PPM1N: variants seen among roughly 807,000 people sequenced by gnomAD.
PPM1N encodes the protein probable protein phosphatase 1N.
In PPM1N, 35 loss-of-function variants were observed where a neutral mutation model predicts 32.6. The ratio of observed to expected loss-of-function variants is 1.07; its 90% CI spans 0.82 to 1.43. The LOEUF (loss-of-function observed/expected upper bound fraction) is 1.43, where lower values mean the gene tolerates loss of function less well. Among genes scored for constraint, PPM1N ranks in the 40% most tolerant of loss-of-function variants. The pLI is 0.00. For synonymous variants in PPM1N, 275 were observed against 270.5 expected (o/e 1.02, Z -0.16); for missense variants, 648 against 606.6 (o/e 1.07, Z -0.72).
chr19:45,498,572 G>T lies in PPM1N; in HGVS notation c.100G>T (p.Ala34Ser). The change falls in exon 1 of 5, where the codon GCG becomes TCG. Residue 34 changes from alanine to serine, a missense_variant. Transcript: ENST00000451287. ...GAGGGAGGAAGAGGAGGAGGAGGAG[G>T]CGGGGCGCAGGGCCCCCGAAGGGCC... ...EGREEEEEEEAGRRAPEGPRS... is the reference protein window; with the variant it reads ...EGREEEEEEESGRRAPEGPRS... 2 of 1,460,232 alleles carry T rather than the reference G, an allele frequency of 1.4e-6. No homozygotes were observed. The highest frequency in any genetic ancestry group is 1.8e-6 in the Non-Finnish European group (2 of 1,111,068). 90.5% of individuals were successfully genotyped at this position (1,460,232 alleles called of 1,614,324 possible).
At position 45,499,175 on chromosome 19, in the gene PPM1N, G is replaced by C. The variant is rs1419657596; in HGVS notation, c.703G>C (p.Asp235His). The C allele has an allele frequency of 6.5e-7, 1 of 1,530,638 alleles. No individual in the cohort carries two copies. Among genetic ancestry groups the C allele is most frequent in the Admixed American group, 2.1e-5 (1 of 48,492 alleles). The allele number at this position is 1,530,638 out of a possible 1,614,324, so 94.8% of individuals were successfully genotyped here. A position where few individuals can be genotyped will look rare whatever the true frequency, so the allele number is the denominator to read the frequency against. ...GSLAVSRALG[D>H]FTYKEAPGRP... Reference sequence around the variant, plus strand: ...TCTGGCCGTGTCGCGAGCGTTGGGCGACTTTACCTACAAGGAGGCTCCGGG... The same window carrying C: ...TCTGGCCGTGTCGCGAGCGTTGGGCCACTTTACCTACAAGGAGGCTCCGGG... Residue 235 changes from aspartate to histidine, a missense_variant, in exon 1 of 5, where the codon GAC becomes CAC. Asp to His is a moderately conservative substitution (Grantham distance 81, BLOSUM62 -1). Coordinates refer to ENST00000451287, the MANE Select transcript of PPM1N (RefSeq NM_001080401.2).
chr19:45,498,500 C>T lies in PPM1N; in HGVS notation c.28C>T (p.Arg10Cys). 1 of 1,358,320 alleles carries T rather than the reference C, an allele frequency of 7.4e-7. No individual in the cohort carries two copies. Among genetic ancestry groups the T allele is most frequent in the South Asian group, 1.9e-5 (1 of 53,648 alleles). 84.1% of individuals were successfully genotyped at this position (1,358,320 alleles called of 1,614,324 possible). ...GGCGGTCCTGGCCCGCCAGCTGCAG[C>T]GTCTCCTCTGGACCGCTTGCAAGAA... Reference protein sequence around the residue: MAVLARQLQRLLWTACKKKE... With the variant: MAVLARQLQCLLWTACKKKE... The change falls in exon 1 of 5, where the codon CGT (arginine) becomes TGT (cysteine). Residue 10 changes from arginine (R) to cysteine (C), a missense_variant. Arg to Cys is a radical substitution (Grantham distance 180, BLOSUM62 -3). Transcript: ENST00000451287.
At chr19:45,501,520 G>C (rs1489498161) in intron 4 of PPM1N, among the ~76,000 whole-genome samples, 2 of 152,148 alleles carry the variant, frequency 1.3e-5, no homozygotes, top group African/African-American at 4.8e-5. Context: ...TTTTCTTTGA[G>C]TCGTGAGAGA....
Position 45,499,940 on chromosome 19 carries a change from C to A in PPM1N, c.940-9C>A. 1.3e-6 allele frequency: 2 copies of A among 1,565,744 alleles called. No homozygotes were observed. The highest frequency in any genetic ancestry group is 1.7e-6 in the Non-Finnish European group (2 of 1,154,278). On this transcript the variant is annotated splice_polypyrimidine_tract_variant and intron_variant, in intron 1 of 4. Transcript: ENST00000451287. ...CCCCACCGGGCTCCTTTTTCTCCAC[C>A]GGCTTCAGGGCAGCCTGGACAACAT...
In PPM1N at chr19:45,498,634, G is replaced by A; in HGVS notation, c.162G>A (p.Arg54=). 1 of 1,412,648 alleles carries A rather than the reference G, an allele frequency of 7.1e-7. No homozygotes were observed. Among genetic ancestry groups the A allele is most frequent in the Non-Finnish European group, 9.2e-7 (1 of 1,088,928 alleles). 87.5% of individuals were successfully genotyped at this position (1,412,648 alleles called of 1,614,324 possible). A position where few individuals can be genotyped will look rare whatever the true frequency, so the allele number is the denominator to read the frequency against. ...SLLTAPRRAQ[R]PHGGAEASGG... is the part of the protein sequence containing the mutation. ...TGACAGCGCCGCGCCGCGCCCAGCGGCCGCACGGGGGTGCCGAGGCGTCTG... is the reference window on the plus strand; with the variant it reads ...TGACAGCGCCGCGCCGCGCCCAGCGACCGCACGGGGGTGCCGAGGCGTCTG... Residue 54 remains arginine (R), a synonymous_variant, in exon 1 of 5, where the codon CGG becomes CGA. Coordinates refer to ENST00000451287, the MANE Select transcript of PPM1N (RefSeq NM_001080401.2).
chr19:45,499,424 T>A lies in PPM1N; in HGVS notation c.939+13T>A. On this transcript the variant is annotated intron_variant, in intron 1 of 4. Transcript: ENST00000451287. ...GTGTCTGTGCAAGGTCCTGGGGGCGTGGCGTGGTACCTTTGGGGCTTGGTG... is the reference window on the plus strand; with the variant it reads ...GTGTCTGTGCAAGGTCCTGGGGGCGAGGCGTGGTACCTTTGGGGCTTGGTG... The A allele has an allele frequency of 1.3e-6, 2 of 1,596,368 alleles. No homozygotes were observed. The highest frequency in any genetic ancestry group is 4.5e-5 in the East Asian group (2 of 44,726).
Position 45,499,399 on chromosome 19 carries a change from G to C in PPM1N, c.927G>C (p.Thr309=). 1 of 1,604,776 alleles carries C rather than the reference G, an allele frequency of 6.2e-7. No individual in the cohort carries two copies. Among genetic ancestry groups the C allele is most frequent in the Non-Finnish European group, 8.5e-7 (1 of 1,176,178 alleles). ...TTCTCTGCGCGCAGCTGTTGGACAC[G>C]TGTCTGTGCAAGGTCCTGGGGGCGT... ...PELLCAQLLD[T]CLCKGSLDNM... is the part of the protein sequence containing the mutation. The change falls in exon 1 of 5, where the codon ACG becomes ACC. Residue 309 remains threonine (T), a synonymous_variant. Coordinates refer to ENST00000451287, the MANE Select transcript of PPM1N (RefSeq NM_001080401.2).
Position 45,502,344 on chromosome 19 carries a change from C to G in PPM1N, c.*259C>G. On this transcript the variant is annotated 3_prime_UTR_variant, in exon 5 of 5. Transcript: ENST00000451287. ...AAAAAAAAAAAAAAAACAAAAAAAC[C>G]CAACCAAATGTTTTTGAAATATTCA... The G allele has an allele frequency of 1.9e-6, 1 of 534,050 alleles. No homozygotes were observed. Among genetic ancestry groups the G allele is most frequent in the East Asian group, 3.4e-5 (1 of 29,158 alleles). 33.1% of individuals were successfully genotyped at this position (534,050 alleles called of 1,614,324 possible).
At chr19:45,499,687 G>C in intron 1 of PPM1N, 1 of 1,547,846 alleles carries the variant, frequency 6.5e-7, no homozygotes, top group Non-Finnish European at 8.7e-7. Context: ...TAGGAGCCGG[G>C]CCGGAAGTAT....
At position 45,499,970 on chromosome 19, in the gene PPM1N, T is replaced by G; in HGVS notation, c.961T>G (p.Cys321Gly). 2.5e-6 allele frequency: 4 copies of G among 1,595,090 alleles called. No homozygotes were observed. Among genetic ancestry groups the G allele is most frequent in the Non-Finnish European group, 3.4e-6 (4 of 1,170,190 alleles). The change falls in exon 2 of 5, where the codon TGC becomes GGC. Residue 321 changes from cysteine (C) to glycine (G), a missense_variant. Cys to Gly is a radical substitution (Grantham distance 159). Transcript: ENST00000451287. ...LCKGSLDNMTCILVCFPGAPR... is the reference protein window; with the variant it reads ...LCKGSLDNMTGILVCFPGAPR... ...TCAGGGCAGCCTGGACAACATGACCTGCATCCTGGTCTGCTTCCCTGGGGC... is the reference window on the plus strand; with the variant it reads ...TCAGGGCAGCCTGGACAACATGACCGGCATCCTGGTCTGCTTCCCTGGGGC...
rs778449117 is a variant in PPM1N at position 45,499,105 on chromosome 19, C to T, written c.633C>T (p.Ile211=). Residue 211 remains isoleucine (I), a synonymous_variant, in exon 1 of 5, where the codon ATC becomes ATT. Coordinates refer to ENST00000451287, the MANE Select transcript of PPM1N (RefSeq NM_001080401.2). The part of the protein sequence containing the change: ...RPLRPRERER[I]HAAGGTIRRR... ...TTCGACCCCGGGAACGCGAGCGCAT[C>T]CACGCCGCTGGCGGCACCATCCGCC... 6.6e-7 allele frequency: 1 copy of T among 1,517,598 alleles called. No individual in the cohort carries two copies. Among genetic ancestry groups the T allele is most frequent in the Non-Finnish European group, 8.7e-7 (1 of 1,142,884 alleles). 94.0% of individuals were successfully genotyped at this position (1,517,598 alleles called of 1,614,324 possible).
Position 45,498,901 on chromosome 19 carries a change from C to T in PPM1N, c.429C>T (p.Ala143=). ...PEGVREALRR[A]FLSADERLRS... is the part of the protein sequence containing the mutation. ...GCGTGCGCGAGGCGCTGCGCCGAGC[C>T]TTCTTGAGCGCCGACGAGCGCCTGC... Residue 143 remains alanine, a synonymous_variant, in exon 1 of 5, where the codon GCC becomes GCT. Transcript: ENST00000451287. The T allele has an allele frequency of 6.6e-7, 1 of 1,524,878 alleles. No individual in the cohort carries two copies. Among genetic ancestry groups the T allele is most frequent in the Non-Finnish European group, 8.7e-7 (1 of 1,145,638 alleles). The allele number at this position is 1,524,878 out of a possible 1,614,324, so 94.5% of individuals were successfully genotyped here. A position where few individuals can be genotyped will look rare whatever the true frequency, so the allele number is the denominator to read the frequency against.
rs1350440899 is a variant in PPM1N at position 45,498,884 on chromosome 19, G to A, written c.412G>A (p.Glu138Lys). Reference protein sequence around the residue: ...PEPSEPEGVREALRRAFLSAD... With the variant: ...PEPSEPEGVRKALRRAFLSAD... Reference sequence around the variant, plus strand: ...GCCTAGCGAGCCCGAGGGCGTGCGCGAGGCGCTGCGCCGAGCCTTCTTGAG... The same window carrying A: ...GCCTAGCGAGCCCGAGGGCGTGCGCAAGGCGCTGCGCCGAGCCTTCTTGAG... Residue 138 changes from glutamate (E) to lysine (K), a missense_variant, in exon 1 of 5, where the codon GAG becomes AAG. Physicochemically the swap from Glu to Lys is moderately conservative, Grantham distance 56. Transcript: ENST00000451287. 2.6e-6 allele frequency: 4 copies of A among 1,513,460 alleles called. No individual in the cohort carries two copies. Among genetic ancestry groups the A allele is most frequent in the Admixed American group, 2.1e-5 (1 of 46,836 alleles). 93.8% of individuals were successfully genotyped at this position (1,513,460 alleles called of 1,614,324 possible). A position where few individuals can be genotyped will look rare whatever the true frequency, so the allele number is the denominator to read the frequency against.
In PPM1N at chr19:45,498,613, A is replaced by AGCGCC. The variant is rs889258621; in HGVS notation, c.152_156dup (p.Gln53AlafsTer95). 4.6e-5 allele frequency: 65 copies of AGCGCC among 1,425,568 alleles called. No individual in the cohort carries two copies. Among genetic ancestry groups the AGCGCC allele is most frequent in the Admixed American group, 4.0e-4 (12 of 29,762 alleles). 88.3% of individuals were successfully genotyped at this position (1,425,568 alleles called of 1,614,324 possible). A position where few individuals can be genotyped will look rare whatever the true frequency, so the allele number is the denominator to read the frequency against. ...CCGAAGGGCCTCGGTCTCTGTTGACAGCGCCGCGCCGCGCCCAGCGGCCGC... is the reference window on the plus strand; with the variant it reads ...CCGAAGGGCCTCGGTCTCTGTTGACAGCGCCGCGCCGCGCCGCGCCCAGCGGCCGC... On this transcript the variant is annotated frameshift_variant, in exon 1 of 5. Coordinates refer to ENST00000451287, the MANE Select transcript of PPM1N (RefSeq NM_001080401.2). LOFTEE classifies it high-confidence loss of function.
intron 3 of PPM1N, 44 bp downstream of exon 3, chr19:45,500,605 G>T (rs1968398336): frequency 1.4e-5 from 22 of 1,584,704 alleles, no homozygotes; most frequent in Non-Finnish European, 1.9e-5. Context: ...AGGGTGGGGT[G>T]GAAGGAGGAG....
At chr19:45,499,541 C>A (rs981988177) in intron 1 of PPM1N, 130 bp downstream of exon 1, 8 of 1,551,396 alleles carry the variant, frequency 5.2e-6, no homozygotes, top group Non-Finnish European at 7.0e-6. Context: ...AGGACTCAAG[C>A]GAAGGGCGTG....
Position 45,498,779 on chromosome 19 carries a change from G to T in PPM1N, c.307G>T (p.Asp103Tyr). The T allele has an allele frequency of 6.4e-7, 1 of 1,555,780 alleles. No individual in the cohort carries two copies. Among genetic ancestry groups the T allele is most frequent in the Non-Finnish European group, 8.7e-7 (1 of 1,155,804 alleles). The change falls in exon 1 of 5, where the codon GAC becomes TAC. Residue 103 changes from aspartate (D) to tyrosine (Y), a missense_variant. Asp to Tyr is a radical substitution (Grantham distance 160). Coordinates refer to ENST00000451287, the MANE Select transcript of PPM1N (RefSeq NM_001080401.2). Reference sequence around the variant, plus strand: ...GGGCTGGGCCTTGTTTGCCGTCCTCGACGGCCACGGTGGGGCTCGAGCTGC... The same window carrying T: ...GGGCTGGGCCTTGTTTGCCGTCCTCTACGGCCACGGTGGGGCTCGAGCTGC... ...PPGWALFAVL[D>Y]GHGGARAARF...
chr19:45,499,506 G>A, intron 1 of PPM1N, 95 bp downstream of exon 1: 3 of 1,573,054 alleles, frequency 1.9e-6, no homozygotes, highest in East Asian at 4.7e-5. Context: ...AGAGAGGCAA[G>A]AGTAAAGCTA....
intron 4 of PPM1N, among the ~76,000 whole-genome samples, chr19:45,501,709 C>T (rs904166960): frequency 6.6e-6 from 1 of 152,104 alleles, no homozygotes; most frequent in African/African-American, 2.4e-5. Flanking sequence ...CCTAAGGTAG[C>T]GGAGACTTGC....
Sources: allele counts gnomAD v4.1 joint callset (sites outside exome capture counted in the v4.1 genomes callset), GRCh38; gene constraint gnomAD v4.1.1; transcripts MANE v1.5; gene names NCBI Gene and HGNC (gene_info 2026-07-23, HGNC 2026-07-21).